The following ZNF541 variants were observed in gnomAD, a reference collection of about 807,000 sequenced individuals.
The protein encoded by ZNF541 is zinc finger protein 541.
A neutral mutation model predicts 123.5 loss-of-function variants in ZNF541; 23 were observed. The observed-to-expected ratio is 0.19, with a 90% CI of 0.13 to 0.26. ZNF541 has a LOEUF of 0.26. Among genes scored for constraint, ZNF541 ranks in the 10% least tolerant of loss-of-function variants. The pLI is 1.00. For missense variants in ZNF541, 1,612 were observed against 1,789.9 expected (o/e 0.90, Z 1.79); for synonymous variants, 751 against 754.5 (o/e 1.00, Z 0.08).
rs1282817384 is a variant in ZNF541, at chr19:47,555,887, C to G, written c.-31G>C. ...TCCACTGCCAGGTCTTGGCCAAAAG[C>G]TACTCTCCAGATAAGCAAAACCATG... On this transcript the variant is annotated 5_prime_UTR_variant, in exon 3 of 17. Transcript: ENST00000391901. 2.6e-6 allele frequency: 4 copies of G among 1,525,864 alleles called. No individual in the cohort carries two copies. The East Asian group carries it at 9.9e-5, about 38-fold the overall frequency. 94.5% of individuals were successfully genotyped at this position (1,525,864 alleles called of 1,614,324 possible). A position where few individuals can be genotyped will look rare whatever the true frequency, so the allele number is the denominator to read the frequency against.
chr19:47,538,371 C>A lies in ZNF541; in HGVS notation c.2865G>T (p.Arg955=), dbSNP rs1380843776. 1 of 1,543,824 alleles carries A rather than the reference C, an allele frequency of 6.5e-7. No homozygotes were observed. ...GCTCCCCAGCCGTGGAGGGTGGGGG[C>A]CGCTTCTTCCGCTTTCTCTGCTGGC... is the stretch of plus-strand genomic sequence containing the variant. The part of the protein sequence containing the change: ...ESSQQRKRKK[R]PPPSTAGEPG... Residue 955 remains arginine, a synonymous_variant, in exon 9 of 17, where the codon CGG becomes CGT. Coordinates refer to ENST00000391901, the MANE Select transcript of ZNF541 (RefSeq NM_001277075.3).
chr19:47,554,122 T>C (rs1386882215), intron 3 of ZNF541, among the ~76,000 whole-genome samples: 1 of 152,188 alleles, frequency 6.6e-6, no homozygotes, highest in East Asian at 1.9e-4. Context: ...TATGTCTGAC[T>C]TTACCCACGT....
intron 12 of ZNF541, 137 bp downstream of exon 12, chr19:47,531,505 C>G: frequency 1.6e-6 from 1 of 606,080 alleles, no homozygotes. Flanking sequence ...ACTGCAATCC[C>G]AAAGCCGCTG....
intron 8 of ZNF541, 41 bp from the exon 9 acceptor site, chr19:47,538,480 C>T: frequency 6.9e-7 from 1 of 1,448,554 alleles, no homozygotes; most frequent in South Asian, 1.5e-5. Flanking sequence ...CTGAAGCCAC[C>T]TACTGCACCA....
intron 2 of ZNF541, among the ~76,000 whole-genome samples, chr19:47,560,257 T>C (rs963378904): frequency 6.6e-6 from 1 of 152,016 alleles, no homozygotes; most frequent in Non-Finnish European, 1.5e-5. Flanking sequence ...AGCTGGGAAG[T>C]TGGATACTTT....
chr19:47,531,778 C>A, intron 11 of ZNF541, 33 bp from the exon 12 acceptor site: 3 of 1,513,674 alleles, frequency 2.0e-6, no homozygotes, highest in Non-Finnish European at 2.7e-6. Context: ...GAAGAGGAGG[C>A]ACACAGGAGT....
At chr19:47,559,263 T>G (rs904835678) in intron 2 of ZNF541, among the ~76,000 whole-genome samples, 1 of 151,590 alleles carries the variant, frequency 6.6e-6, no homozygotes, top group Non-Finnish European at 1.5e-5. Context: ...TCTCAGCTAC[T>G]CAGGAGGCTG....
In ZNF541 at chr19:47,572,173, T is replaced by G. The variant is rs554089610; in HGVS notation, c.-245-131A>C. 3.9e-5 allele frequency among the ~76,000 whole-genome samples: 6 copies of G among 152,292 alleles called. No individual in the cohort carries two copies. The East Asian group carries it at 9.6e-4, about 24-fold the overall frequency. On this transcript the variant is annotated intron_variant, in intron 1 of 16. Transcript: ENST00000391901. ...AGAAAGCAGTATCAACAGCGGAGAT[T>G]TGAGTGAGGAGGAAAGGTTTTTTTG...
intron 14 of ZNF541, among the ~76,000 whole-genome samples, chr19:47,522,321 GCT>G (rs145413362): frequency 0.019 from 2,927 of 152,308 alleles, 44 homozygotes; most frequent in Middle Eastern, 0.058. Flanking sequence ...AAATCGGAAT[GCT>G]CTCTGCAGGC....
rs1179087196 is a variant in ZNF541, at chr19:47,540,811, C to A, written c.2462+82G>T. On this transcript the variant is annotated intron_variant, in intron 6 of 16. Transcript: ENST00000391901. ...CCATTAGGACTGAAAGCATCCTCCC[C>A]ACTCACTTGTCCAGGGCCGGCACAG... 3.7e-6 allele frequency: 5 copies of A among 1,363,210 alleles called. No individual in the cohort carries two copies. The South Asian group carries it at 3.9e-5, about 11-fold the overall frequency. 84.4% of individuals were successfully genotyped at this position (1,363,210 alleles called of 1,614,324 possible).
At chr19:47,526,365 C>T (rs1177190355) in intron 14 of ZNF541, among the ~76,000 whole-genome samples, 3 of 151,660 alleles carry the variant, frequency 2.0e-5, no homozygotes, top group Non-Finnish European at 4.4e-5. Flanking sequence ...GCCTGTAATC[C>T]CAGCTACTCA....
chr19:47,544,174 G>T lies in ZNF541; in HGVS notation c.2355C>A (p.Pro785=), dbSNP rs1568498112. 16 of 1,551,608 alleles carry T rather than the reference G, an allele frequency of 1.0e-5. No homozygotes were observed. Among genetic ancestry groups the T allele is most frequent in the Admixed American group, 2.0e-5 (1 of 50,990 alleles). Residue 785 remains proline (P), a synonymous_variant, in exon 5 of 17, where the codon CCC becomes CCA. Coordinates refer to ENST00000391901, the MANE Select transcript of ZNF541 (RefSeq NM_001277075.3). ...GCTTGGACTTGGAGGGATCTGCCGG[G>T]GGCCCGGCCGATGAGAAGGAGGCCA... ...VAMASFSSAG[P]PADPSKSKLT... is the part of the protein sequence containing the mutation.
chr19:47,534,266 G>T (rs573431806), intron 9 of ZNF541, among the ~76,000 whole-genome samples: 2 of 152,138 alleles, frequency 1.3e-5, no homozygotes, highest in Non-Finnish European at 2.9e-5. Context: ...AAAATAAAGA[G>T]AGCCTCAGAG....
chr19:47,540,944 T>C lies in ZNF541; in HGVS notation c.2411A>G (p.Asn804Ser), dbSNP rs1421798037. ...CACCGGATGGGGGAGCCTGTAGATG[T>C]TTCCACCCTGAAGATGAAAATGCAT... ...LTIFSRIQGG[N>S]IYRLPHPVKE... The change falls in exon 6 of 17, where the codon AAC (asparagine) becomes AGC (serine). Residue 804 changes from asparagine to serine, a missense_variant. By Grantham distance (46) the Asn-to-Ser change is conservative. Around this residue, in one of 5 missense-constraint regions of ZNF541, gnomAD observed 1,080 missense variants for 1,013.8 expected, o/e 1.07. Coordinates refer to ENST00000391901, the MANE Select transcript of ZNF541 (RefSeq NM_001277075.3). 1 of 1,550,614 alleles carries C rather than the reference T, an allele frequency of 6.4e-7. No individual in the cohort carries two copies. The highest frequency in any genetic ancestry group is 2.4e-5 in the East Asian group (1 of 40,890).
At chr19:47,553,046 T>C (rs1354272766) in intron 3 of ZNF541, among the ~76,000 whole-genome samples, 1 of 150,436 alleles carries the variant, frequency 6.6e-6, no homozygotes, top group African/African-American at 2.4e-5. Flanking sequence ...GAGGTGGAGG[T>C]TGCAGTGAGC....
chr19:47,535,479 A>T (rs1418464989), intron 9 of ZNF541, among the ~76,000 whole-genome samples: 4 of 152,224 alleles, frequency 2.6e-5, no homozygotes, highest in African/African-American at 4.8e-5. Context: ...GAGAAATGAA[A>T]ATGTTCATAT....
Position 47,538,127 on chromosome 19 carries a change from C to A in ZNF541, c.3094+15G>T. 1 of 1,549,548 alleles carries A rather than the reference C, an allele frequency of 6.5e-7. No individual in the cohort carries two copies. Among genetic ancestry groups the A allele is most frequent in the South Asian group, 1.2e-5 (1 of 83,964 alleles). ...CACCCTGGGATCACAGAGTGAGTGCCCCAGCCTCACTCACCGAGCATGGAG... is the reference window on the plus strand; with the variant it reads ...CACCCTGGGATCACAGAGTGAGTGCACCAGCCTCACTCACCGAGCATGGAG... On this transcript the variant is annotated intron_variant, in intron 9 of 16. Transcript: ENST00000391901.
rs1568498112 is a variant in ZNF541, at chr19:47,544,174, G to A, written c.2355C>T (p.Pro785=). ...GCTTGGACTTGGAGGGATCTGCCGG[G>A]GGCCCGGCCGATGAGAAGGAGGCCA... is the stretch of plus-strand genomic sequence containing the variant. ...VAMASFSSAG[P]PADPSKSKLT... is the part of the protein sequence containing the mutation. Residue 785 remains proline (P), a synonymous_variant, in exon 5 of 17, where the codon CCC becomes CCT. Coordinates refer to ENST00000391901, the MANE Select transcript of ZNF541 (RefSeq NM_001277075.3). The A allele has an allele frequency of 6.4e-7, 1 of 1,551,722 alleles. No homozygotes were observed. The highest frequency in any genetic ancestry group is 8.7e-7 in the Non-Finnish European group (1 of 1,146,980).
At chr19:47,566,313 A>C (rs187772539) in intron 2 of ZNF541, among the ~76,000 whole-genome samples, 21 of 152,344 alleles carry the variant, frequency 1.4e-4, no homozygotes, top group Non-Finnish European at 1.9e-4. Flanking sequence ...CTGTAGAAGT[A>C]AGTCCACAAT....
Sources: allele counts gnomAD v4.1 joint callset (sites outside exome capture counted in the v4.1 genomes callset), GRCh38; gene constraint gnomAD v4.1.1; regional missense constraint gnomAD v4.1.1; transcripts MANE v1.5; gene names NCBI Gene and HGNC (gene_info 2026-07-23, HGNC 2026-07-21).